The following WSCD2 variants were observed in gnomAD, a reference collection of about 807,000 sequenced individuals.
The protein encoded by WSCD2 is WSC domain sialate O sulfotransferase 2.
Under a neutral mutation model 55.7 loss-of-function variants are expected in WSCD2, and 28 were observed. The ratio of observed to expected loss-of-function variants is 0.50; its 90% confidence interval spans 0.37 to 0.69. The LOEUF is 0.69. Ranked by LOEUF, WSCD2 falls within the 30% of genes least tolerant of loss-of-function variation. The probability of loss-of-function intolerance (pLI) is 0.00; values close to 1 mark genes in which losing one functional copy is unlikely to be tolerated. For missense variants in WSCD2, 616 were observed against 762.1 expected, an observed-to-expected ratio of 0.81 and a Z score of 2.26; for synonymous variants, 301 against 301.9, an observed-to-expected ratio of 1.00 and a Z score of 0.03.
At chr12:108,181,312 C>T (rs1411066680) in intron 1 of WSCD2, among the ~76,000 whole-genome samples, 1 of 152,090 alleles carries the variant, frequency 6.6e-6, no homozygotes, top group Non-Finnish European at 1.5e-5. Context: ...GGGGGGTGTT[C>T]ATCTAAATTT....
At chr12:108,184,896 C>A (rs1215133518) in intron 1 of WSCD2, among the ~76,000 whole-genome samples, 2 of 152,172 alleles carry the variant, frequency 1.3e-5, no homozygotes, top group Admixed American at 6.5e-5. Context: ...TCCAGGCTTT[C>A]TTGTAGCTCT....
At chr12:108,157,362 GT>G (rs1329652902) in intron 1 of WSCD2, among the ~76,000 whole-genome samples, 2 of 152,130 alleles carry the variant, frequency 1.3e-5, no homozygotes, top group Non-Finnish European at 2.9e-5. Context: ...ATACATTGGA[GT>G]TCACTCTGTG....
At chr12:108,160,463 G>C (rs931377782) in intron 1 of WSCD2, among the ~76,000 whole-genome samples, 10 of 152,150 alleles carry the variant, frequency 6.6e-5, no homozygotes, top group Admixed American at 6.5e-4. Flanking sequence ...GAAACTTACA[G>C]TCATAGCAGA....
intron 4 of WSCD2, among the ~76,000 whole-genome samples, chr12:108,215,093 C>T (rs571576067): frequency 6.6e-6 from 1 of 152,288 alleles, no homozygotes; most frequent in Non-Finnish European, 1.5e-5. Context: ...GGTCTGGGAG[C>T]CCTGAATTTC....
chr12:108,140,823 G>A (rs1049378650), intron 1 of WSCD2, among the ~76,000 whole-genome samples: 2 of 152,190 alleles, frequency 1.3e-5, no homozygotes, highest in African/African-American at 4.8e-5. Flanking sequence ...TCTGGAAGGG[G>A]TCCCAGGGAG....
At chr12:108,203,218 G>A (rs906442875) in intron 2 of WSCD2, among the ~76,000 whole-genome samples, 4 of 152,228 alleles carry the variant, frequency 2.6e-5, no homozygotes, top group Non-Finnish European at 5.9e-5. Context: ...AGAAGAAAAT[G>A]CATTGTGTCA....
chr12:108,221,293 G>A (rs1834590), intron 4 of WSCD2, among the ~76,000 whole-genome samples: 3,405 of 152,094 alleles, frequency 0.022, 130 homozygotes, highest in African/African-American at 0.078. Context: ...GGTGACTCAC[G>A]CCTGTAATTC....
chr12:108,220,876 CATT>C (rs905723904), intron 4 of WSCD2, among the ~76,000 whole-genome samples: 3 of 152,050 alleles, frequency 2.0e-5, no homozygotes, highest in Non-Finnish European at 2.9e-5. Flanking sequence ...ATAATAGTAT[CATT>C]ATTATTGGAA....
At chr12:108,137,365 T>C (rs1278831128) in intron 1 of WSCD2, among the ~76,000 whole-genome samples, 4 of 152,224 alleles carry the variant, frequency 2.6e-5, no homozygotes, top group Non-Finnish European at 4.4e-5. Flanking sequence ...AGAGCCAGCA[T>C]TCCCTCACTC....
intron 1 of WSCD2, among the ~76,000 whole-genome samples, chr12:108,163,664 G>A (rs1879303381): frequency 6.6e-6 from 1 of 152,192 alleles, no homozygotes. Flanking sequence ...GAGATGCGAT[G>A]ATAGAAGACG....
At chr12:108,232,972 ACTC>A (rs1347028067) in intron 7 of WSCD2, 77 bp downstream of exon 7, 19 of 1,546,960 alleles carry the variant, frequency 1.2e-5, no homozygotes, top group Admixed American at 8.8e-5. Flanking sequence ...GTATGGGAAT[ACTC>A]CTCCTTGAGT....
At chr12:108,231,981 A>G (rs1347812812) in intron 6 of WSCD2, among the ~76,000 whole-genome samples, 1 of 152,190 alleles carries the variant, frequency 6.6e-6, no homozygotes, top group African/African-American at 2.4e-5. Context: ...CTGAGAGCTG[A>G]AGAACAAAAA....
At chr12:108,177,825 G>A (rs1470458555) in intron 1 of WSCD2, among the ~76,000 whole-genome samples, 1 of 152,082 alleles carries the variant, frequency 6.6e-6, no homozygotes, top group Non-Finnish European at 1.5e-5. Flanking sequence ...AAAAGTGATG[G>A]CCCCTGGGGA....
chr12:108,161,040 G>T (rs1438203042), intron 1 of WSCD2, among the ~76,000 whole-genome samples: 1 of 152,250 alleles, frequency 6.6e-6, no homozygotes, highest in East Asian at 1.9e-4. Flanking sequence ...GTGGTAGAGA[G>T]AATGAAATTT....
chr12:108,242,156 G>C (rs1029913925), intron 8 of WSCD2, among the ~76,000 whole-genome samples: 1 of 152,210 alleles, frequency 6.6e-6, no homozygotes, highest in Non-Finnish European at 1.5e-5. Context: ...GCAGGATGAC[G>C]TAACTCAGCA....
chr12:108,215,119 C>T (rs1490551095), intron 4 of WSCD2, among the ~76,000 whole-genome samples: 1 of 152,186 alleles, frequency 6.6e-6, no homozygotes, highest in African/African-American at 2.4e-5. Flanking sequence ...TCATATGGGA[C>T]CCCATGAGCT....
At position 108,150,978 on chromosome 12, in the gene WSCD2, G is replaced by A. The variant is rs557908277; in HGVS notation, c.-552+21052G>A. On this transcript the variant is annotated intron_variant, in intron 1 of 8. Coordinates refer to ENST00000547525, the MANE Select transcript of WSCD2 (RefSeq NM_014653.4). ...CCTTGGATCTGGGCTCCTGCCATCT[G>A]AGCGTGAGCCCACGCCCTGGCCCCT... Among the ~76,000 whole-genome samples the A allele has an allele frequency of 2.6e-5, 4 of 152,082 alleles. No homozygotes were observed. In the South Asian group the frequency reaches 6.2e-4, roughly 24 times the overall value.
chr12:108,202,328 C>A (rs1884800408), intron 2 of WSCD2, among the ~76,000 whole-genome samples: 2 of 152,124 alleles, frequency 1.3e-5, no homozygotes, highest in African/African-American at 2.4e-5. Context: ...GCATAACATG[C>A]CTGTGTTTTC....
intron 1 of WSCD2, among the ~76,000 whole-genome samples, chr12:108,156,217 C>A (rs1702448097): frequency 6.6e-6 from 1 of 152,156 alleles, no homozygotes; most frequent in Non-Finnish European, 1.5e-5. Context: ...AACACGTGCT[C>A]TGAAACCAGG....
Sources: allele counts gnomAD v4.1 joint callset (sites outside exome capture counted in the v4.1 genomes callset), GRCh38; gene constraint gnomAD v4.1.1; transcripts MANE v1.5; gene names NCBI Gene and HGNC (gene_info 2026-07-23, HGNC 2026-07-21).